The following ZFHX3 variants were observed in gnomAD, a reference collection of about 807,000 sequenced individuals.
ZFHX3 encodes the protein zinc finger homeobox protein 3.
A neutral mutation model predicts 279.1 loss-of-function variants in ZFHX3; 42 were observed. That is an observed-to-expected ratio of 0.15 (90% confidence interval 0.12 to 0.19). The LOEUF (loss-of-function observed/expected upper bound fraction) is 0.19. ZFHX3 is among the 10% of genes least tolerant of loss of function. The probability of loss-of-function intolerance (pLI) is 1.00; values close to 1 mark genes in which losing one functional copy is unlikely to be tolerated. For missense variants in ZFHX3, 4,981 were observed against 4,754.0 expected (o/e 1.05, Z -1.40); for synonymous variants, 2,293 against 1,957.8 (o/e 1.17, Z -4.52).
In ZFHX3 at chr16:72,793,764, A is replaced by G. The variant is rs1384340949; in HGVS notation, c.8918T>C (p.Met2973Thr). 1 of 1,614,160 alleles carries G rather than the reference A, an allele frequency of 6.2e-7. No homozygotes were observed. The highest frequency in any genetic ancestry group is 8.5e-7 in the Non-Finnish European group (1 of 1,180,040). Residue 2973 changes from methionine to threonine, a missense_variant, in exon 9 of 10, where the codon ATG (methionine) becomes ACG (threonine). By Grantham distance (81) the Met-to-Thr change is moderately conservative. Transcript: ENST00000268489. The surrounding 1 kb of genome is among the most constrained non-coding windows in gnomAD (Gnocchi z 4.3). ...ATTGCCCAGGACCTCACATTCTAGCATAGTGGGTGTCCTGTAGTCATTAAA... is the reference window on the plus strand; with the variant it reads ...ATTGCCCAGGACCTCACATTCTAGCGTAGTGGGTGTCCTGTAGTCATTAAA... Reference protein sequence around the residue: ...SCFNDYRTPTMLECEVLGNDI... With the variant: ...SCFNDYRTPTTLECEVLGNDI...
chr16:72,891,241 G>A (rs761109442), intron 3 of ZFHX3, among the ~76,000 whole-genome samples: 7 of 152,106 alleles, frequency 4.6e-5, no homozygotes, highest in South Asian at 2.1e-4. Flanking sequence ...TCCAAATTAC[G>A]TCCTCTGTTG....
At chr16:73,509,198 A>G in intron 2 of ZFHX3, among the ~76,000 whole-genome samples, 1 of 152,122 alleles carries the variant, frequency 6.6e-6, no homozygotes, top group East Asian at 1.9e-4. Flanking sequence ...GGCTTTGACA[A>G]TTACGTTCTT....
intron 2 of ZFHX3, among the ~76,000 whole-genome samples, chr16:73,552,796 C>T (rs2020221220): frequency 2.0e-5 from 3 of 152,108 alleles, no homozygotes; most frequent in South Asian, 2.1e-4. Context: ...TTAAAAAAAC[C>T]TTAGATTTTC....
intron 2 of ZFHX3, among the ~76,000 whole-genome samples, chr16:73,539,138 T>C (rs2019963746): frequency 6.9e-6 from 1 of 144,238 alleles, no homozygotes; most frequent in Non-Finnish European, 1.5e-5. Flanking sequence ...TCTTTCTTTC[T>C]TTTTTTTTTG....
At chr16:73,160,782 T>G (rs4788494) in intron 5 of ZFHX3, among the ~76,000 whole-genome samples, 19,927 of 150,416 alleles carry the variant, frequency 0.13, 1,351 homozygotes, top group Admixed American at 0.18. Flanking sequence ...CTTTTTTTTT[T>G]TTTTTTTTTA....
chr16:73,533,398 G>A (rs1382791531), intron 2 of ZFHX3, among the ~76,000 whole-genome samples: 2 of 148,846 alleles, frequency 1.3e-5, no homozygotes, highest in African/African-American at 5.0e-5. Context: ...CTTCATACTA[G>A]ATCCTATTCG....
In ZFHX3 at chr16:73,684,208, C is replaced by A. The variant is rs571016615; in HGVS notation, c.-1607-3968G>T. On this transcript the variant is annotated intron_variant, in intron 1 of 17. Coordinates refer to the ZFHX3 transcript ENST00000641206. ...ACTCGAGAGGCTAAGATAAGAGGAT[C>A]TCTTGAGCCCAGGAGGTCAAGGGAA... Among the ~76,000 whole-genome samples, 4 of 152,178 alleles carry A rather than the reference C, an allele frequency of 2.6e-5. No homozygotes were observed. The East Asian group carries it at 7.8e-4, about 30-fold the overall frequency.
chr16:72,846,827 T>C (rs4788665), intron 4 of ZFHX3, among the ~76,000 whole-genome samples: 18,543 of 151,716 alleles, frequency 0.12, 2,497 homozygotes, highest in East Asian at 0.28. Flanking sequence ...GGGGTGGGGG[T>C]AGAGCTGGCC....
intron 1 of ZFHX3, among the ~76,000 whole-genome samples, chr16:73,793,188 A>G (rs1322082969): frequency 6.6e-6 from 1 of 152,224 alleles, no homozygotes; most frequent in Admixed American, 6.5e-5. Flanking sequence ...ACAAACAAAC[A>G]AAAAAGGCAT....
chr16:72,863,052 T>G (rs1461848119), intron 4 of ZFHX3, among the ~76,000 whole-genome samples: 1 of 152,068 alleles, frequency 6.6e-6, no homozygotes, highest in South Asian at 2.1e-4. Flanking sequence ...GAGACCAGCC[T>G]GGGCAACAAA....
chr16:73,251,875 GCACACACACCACACACACACCATGCACA>G (rs1413808127), intron 5 of ZFHX3, among the ~76,000 whole-genome samples: 16 of 102,458 alleles, frequency 1.6e-4, no homozygotes, highest in African/African-American at 5.5e-4. Flanking sequence ...CACACACCAT[GCACACACACCACACACACACCATGCACA>G]CACACACACC....
intron 5 of ZFHX3, among the ~76,000 whole-genome samples, chr16:73,255,503 T>C (rs2013636965): frequency 6.6e-6 from 1 of 152,142 alleles, no homozygotes; most frequent in Admixed American, 6.5e-5. Flanking sequence ...GGAGAAGAGT[T>C]TTATATCCAG....
intron 1 of ZFHX3, among the ~76,000 whole-genome samples, chr16:73,878,081 G>C (rs925134407): frequency 3.3e-5 from 5 of 151,986 alleles, no homozygotes; most frequent in Non-Finnish European, 4.4e-5. Flanking sequence ...CTTAAAGTGA[G>C]GGACCCTCAT....
At position 72,785,695 on chromosome 16, in the gene ZFHX3, C is replaced by A. The variant is rs952827488; in HGVS notation, c.*1469G>T. 1.7e-4 allele frequency: 25 copies of A among 151,048 alleles called. No homozygotes were observed. The highest frequency in any genetic ancestry group is 5.8e-4 in the African/African-American group (24 of 41,080). 9.4% of individuals were successfully genotyped at this position (151,048 alleles called of 1,614,324 possible). ...CAAAACCAAAAACCAAATCCCTAACCAAAAACTTTTTTTAGAAAAGAAAAG... is the reference window on the plus strand; with the variant it reads ...CAAAACCAAAAACCAAATCCCTAACAAAAAACTTTTTTTAGAAAAGAAAAG... On this transcript the variant is annotated 3_prime_UTR_variant, in exon 10 of 10. Transcript: ENST00000268489.
intron 4 of ZFHX3, among the ~76,000 whole-genome samples, chr16:73,288,617 C>G (rs2014690430): frequency 6.6e-6 from 1 of 152,144 alleles, no homozygotes. Context: ...CTTTAACGTT[C>G]CTGTTATCAA....
chr16:73,696,445 C>A (rs541012561), intron 1 of ZFHX3, among the ~76,000 whole-genome samples: 2 of 152,158 alleles, frequency 1.3e-5, no homozygotes, highest in Non-Finnish European at 2.9e-5. Context: ...GTTGGGATAA[C>A]CTTGAGCCAA....
At chr16:72,851,022 G>A (rs552282628) in intron 4 of ZFHX3, among the ~76,000 whole-genome samples, 5 of 152,260 alleles carry the variant, frequency 3.3e-5, no homozygotes, top group African/African-American at 9.6e-5. Flanking sequence ...AATTCTCAGC[G>A]TCTGAAAGCA....
intron 2 of ZFHX3, among the ~76,000 whole-genome samples, chr16:73,457,380 G>A (rs570401125): frequency 2.6e-5 from 4 of 152,310 alleles, no homozygotes; most frequent in African/African-American, 9.6e-5. Flanking sequence ...ACTGCATCAC[G>A]TGAGCTGGAA....
intron 4 of ZFHX3, among the ~76,000 whole-genome samples, chr16:73,282,671 C>T (rs556888749): frequency 6.6e-6 from 1 of 152,294 alleles, no homozygotes; most frequent in South Asian, 2.1e-4. Flanking sequence ...TCTAATTTAT[C>T]TATCAGTTCA....
Sources: gnomAD v4.1 joint callset for allele counts (sites outside exome capture counted in the v4.1 genomes callset) on GRCh38, gnomAD v4.1.1 for gene constraint, Gnocchi (gnomAD v3.1) non-coding constraint, MANE v1.5 for transcripts, NCBI Gene and HGNC (gene_info 2026-07-23, HGNC 2026-07-21) for gene names.